The following SLC24A2 variants were observed in gnomAD, a reference collection of about 807,000 sequenced individuals.
SLC24A2 encodes the protein sodium/potassium/calcium exchanger 2.
Under a neutral mutation model 62.0 loss-of-function variants are expected in SLC24A2, and 36 were observed. The ratio of observed to expected loss-of-function variants is 0.58; its 90% CI spans 0.44 to 0.77. The LOEUF (loss-of-function observed/expected upper bound fraction) is 0.77, where lower values mean the gene tolerates loss of function less well. Ranked by LOEUF, SLC24A2 falls within the 30% of genes least tolerant of loss-of-function variation. The pLI is 0.00. For missense variants in SLC24A2, 846 were observed against 817.9 expected, an observed-to-expected ratio of 1.03 and a Z score of -0.42; for synonymous variants, 358 against 294.0, an observed-to-expected ratio of 1.22 and a Z score of -2.23.
chr9:19,949,991 A>T, the SLC24A2 span, among the ~76,000 whole-genome samples: 2 of 152,178 alleles, frequency 1.3e-5, no homozygotes, highest in Admixed American at 1.3e-4. Flanking sequence ...CCATCCACTG[A>T]ATTGTATAAT....
chr9:19,908,536 G>T, the SLC24A2 span, among the ~76,000 whole-genome samples: 2 of 152,128 alleles, frequency 1.3e-5, no homozygotes, highest in Non-Finnish European at 2.9e-5. Flanking sequence ...ACCACCATCA[G>T]AGTGAACAGA....
the SLC24A2 span, among the ~76,000 whole-genome samples, chr9:20,215,353 T>C: frequency 6.6e-6 from 1 of 152,174 alleles, no homozygotes; most frequent in African/African-American, 2.4e-5. Context: ...ATTCAGACCA[T>C]AGCACTAAGA....
At chr9:20,199,762 A>C in the SLC24A2 span, among the ~76,000 whole-genome samples, 1 of 149,758 alleles carries the variant, frequency 6.7e-6, no homozygotes, top group Non-Finnish European at 1.5e-5. Flanking sequence ...TCTGTTGCCC[A>C]AGCTGGAGTG....
At chr9:20,179,375 A>T in the SLC24A2 span, among the ~76,000 whole-genome samples, 1 of 152,206 alleles carries the variant, frequency 6.6e-6, no homozygotes, top group African/African-American at 2.4e-5. Flanking sequence ...GGAGAAAAAA[A>T]GGAATGAAAT....
At chr9:19,891,297 C>A in the SLC24A2 span, among the ~76,000 whole-genome samples, 131 of 152,324 alleles carry the variant, frequency 8.6e-4, 1 homozygote, top group Middle Eastern at 0.017. Flanking sequence ...GGTTAAAACC[C>A]TTCAAAGTCT....
At chr9:20,103,985 A>C in the SLC24A2 span, among the ~76,000 whole-genome samples, 10 of 152,188 alleles carry the variant, frequency 6.6e-5, no homozygotes, top group African/African-American at 2.4e-4. Context: ...TAGAATAACC[A>C]AAACAGAGAA....
chr9:20,052,219 C>G, the SLC24A2 span, among the ~76,000 whole-genome samples: 1 of 152,174 alleles, frequency 6.6e-6, no homozygotes, highest in South Asian at 2.1e-4. Flanking sequence ...TCTCTCATCT[C>G]AGTAAACAGC....
chr9:20,129,572 C>A, the SLC24A2 span, among the ~76,000 whole-genome samples: 4 of 151,944 alleles, frequency 2.6e-5, no homozygotes, highest in East Asian at 7.7e-4. Context: ...ATGGTATATC[C>A]ACATAATTGA....
At chr9:20,276,030 G>A in the SLC24A2 span, among the ~76,000 whole-genome samples, 2 of 152,230 alleles carry the variant, frequency 1.3e-5, no homozygotes, top group South Asian at 4.1e-4. Flanking sequence ...TTTGGGTGAG[G>A]ACACAGCCAA....
chr9:19,617,339 C>T (rs1351740993), intron 4 of SLC24A2, among the ~76,000 whole-genome samples: 1 of 152,158 alleles, frequency 6.6e-6, no homozygotes, highest in African/African-American at 2.4e-5. Context: ...GTTGGGGACC[C>T]CTGTCATAGA....
At chr9:19,574,375 A>C (rs1835945540) in intron 6 of SLC24A2, among the ~76,000 whole-genome samples, 1 of 152,288 alleles carries the variant, frequency 6.6e-6, no homozygotes, top group South Asian at 2.1e-4. Flanking sequence ...GGTAATGGTT[A>C]AGCACTGGGA....
At chr9:20,076,869 AT>A in the SLC24A2 span, among the ~76,000 whole-genome samples, 10 of 61,392 alleles carry the variant, frequency 1.6e-4, no homozygotes, top group African/African-American at 7.1e-4. Context: ...ATGTATATAT[AT>A]ATATATATAT....
At chr9:19,530,840 C>A (rs1430524278) in intron 8 of SLC24A2, among the ~76,000 whole-genome samples, 3 of 152,076 alleles carry the variant, frequency 2.0e-5, no homozygotes, top group African/African-American at 7.2e-5. Context: ...TAGATAAAGT[C>A]TGAGAACTTA....
the SLC24A2 span, among the ~76,000 whole-genome samples, chr9:20,278,365 T>G: frequency 6.6e-6 from 1 of 152,234 alleles, no homozygotes; most frequent in Admixed American, 6.5e-5. Context: ...CAAATCTTTG[T>G]GAATCAATAA....
chr9:19,823,836 G>A, the SLC24A2 span, among the ~76,000 whole-genome samples: 1 of 152,100 alleles, frequency 6.6e-6, no homozygotes, highest in African/African-American at 2.4e-5. Context: ...ATAGACCAAT[G>A]GAACAGAACA....
At chr9:19,634,731 T>C (rs73646349) in intron 2 of SLC24A2, among the ~76,000 whole-genome samples, 6,349 of 152,294 alleles carry the variant, frequency 0.042, 434 homozygotes, top group African/African-American at 0.14. Flanking sequence ...CATCTAATCT[T>C]TATAGAACTT....
the SLC24A2 span, among the ~76,000 whole-genome samples, chr9:20,278,629 G>T: frequency 1.3e-5 from 2 of 152,232 alleles, no homozygotes; most frequent in South Asian, 4.1e-4. Flanking sequence ...TCAGCATTTT[G>T]GTCAAAGCCA....
At chr9:19,527,376 A>G (rs1563933632) in intron 9 of SLC24A2, among the ~76,000 whole-genome samples, 1 of 152,206 alleles carries the variant, frequency 6.6e-6, no homozygotes, top group Non-Finnish European at 1.5e-5. Context: ...TACCTGCTTC[A>G]TAGGCTTTGA....
the SLC24A2 span, among the ~76,000 whole-genome samples, chr9:20,265,640 T>G: frequency 7.0e-3 from 1,059 of 152,268 alleles, 7 homozygotes; most frequent in African/African-American, 0.025. Flanking sequence ...AAATTGTTTG[T>G]AGAGCATGTG....
Sources: gnomAD v4.1 joint callset for allele counts (sites outside exome capture counted in the v4.1 genomes callset) on GRCh38, gnomAD v4.1.1 for gene constraint, MANE v1.5 for transcripts, NCBI Gene and HGNC (gene_info 2026-07-23, HGNC 2026-07-21) for gene names.